Variants in TEX26 observed in about 807,000 individuals in gnomAD.
TEX26 encodes the protein testis-expressed protein 26.
Under a neutral mutation model 35.3 loss-of-function variants are expected in TEX26, and 34 were observed. That is an observed-to-expected ratio of 0.96 (90% CI 0.73 to 1.28). The LOEUF is 1.28. TEX26 is among the 50% of genes most tolerant of loss of function. TEX26 has a pLI of 0.00. For missense variants in TEX26, 371 were observed against 330.1 expected (o/e 1.12, Z -0.96); for synonymous variants, 136 against 111.8 (o/e 1.22, Z -1.36).
chr13:30,960,918 C>A (rs145821833), intron 4 of TEX26, among the ~76,000 whole-genome samples: 1 of 152,144 alleles, frequency 6.6e-6, no homozygotes, highest in Non-Finnish European at 1.5e-5. Flanking sequence ...AACTCCAAGG[C>A]TCAAAAACCT....
chr13:30,971,999 A>C (rs12874919), intron 6 of TEX26, among the ~76,000 whole-genome samples: 37,798 of 152,214 alleles, frequency 0.25, 5,649 homozygotes, highest in Non-Finnish European at 0.32. Flanking sequence ...AGAAATGCTC[A>C]GTTGATACAA....
At chr13:30,974,131 A>AAAAAATATATATATATATATATATATAT in intron 6 of TEX26, among the ~76,000 whole-genome samples, 19 of 84,398 alleles carry the variant, frequency 2.3e-4, no homozygotes, top group Non-Finnish European at 3.6e-4. Context: ...AAAAAAAAAA[A>AAAAAATATATATATATATATATATATAT]ATATATATAT....
At chr13:30,951,045 A>C (rs1329789637) in intron 2 of TEX26, among the ~76,000 whole-genome samples, 2 of 152,106 alleles carry the variant, frequency 1.3e-5, no homozygotes, top group African/African-American at 4.8e-5. Context: ...TTTTGTGACT[A>C]AGTGTGGTGG....
chr13:30,971,057 C>T (rs1187283244), intron 6 of TEX26, among the ~76,000 whole-genome samples: 1 of 152,186 alleles, frequency 6.6e-6, no homozygotes, highest in Non-Finnish European at 1.5e-5. Flanking sequence ...TTTGGGGCTG[C>T]CTTGGGCTGA....
At chr13:30,964,627 G>T (rs1032365715) in intron 4 of TEX26, among the ~76,000 whole-genome samples, 3 of 152,174 alleles carry the variant, frequency 2.0e-5, no homozygotes, top group Non-Finnish European at 2.9e-5. Flanking sequence ...GTTTTGTACA[G>T]CTTTGACAAA....
chr13:30,936,875 A>G (rs1254583515), intron 1 of TEX26: 2 of 985,490 alleles, frequency 2.0e-6, no homozygotes, highest in Middle Eastern at 5.2e-4. Context: ...ACAGATTTTC[A>G]GAATATTGTG....
At chr13:30,959,800 G>A (rs895021867) in intron 4 of TEX26, among the ~76,000 whole-genome samples, 1 of 152,154 alleles carries the variant, frequency 6.6e-6, no homozygotes, top group Non-Finnish European at 1.5e-5. Context: ...TTTCTAGATT[G>A]AAAGGGCCCC....
At chr13:30,945,809 G>A (rs890303770) in intron 2 of TEX26, among the ~76,000 whole-genome samples, 4 of 152,046 alleles carry the variant, frequency 2.6e-5, no homozygotes, top group Admixed American at 2.6e-4. Flanking sequence ...AAAGTCTGCT[G>A]TTAGTCTGAT....
At chr13:30,944,420 A>G (rs1555267756) in intron 2 of TEX26, among the ~76,000 whole-genome samples, 1 of 149,554 alleles carries the variant, frequency 6.7e-6, no homozygotes, top group Non-Finnish European at 1.5e-5. Context: ...TGTTTCATTG[A>G]TTTTTTTTTG....
intron 2 of TEX26, among the ~76,000 whole-genome samples, chr13:30,945,311 C>T (rs1953664709): frequency 6.6e-6 from 1 of 151,722 alleles, no homozygotes. Flanking sequence ...TCTTTTTCCA[C>T]CCTTTTTCCT....
At chr13:30,935,897 G>A (rs1024260621) in intron 1 of TEX26, among the ~76,000 whole-genome samples, 1 of 152,236 alleles carries the variant, frequency 6.6e-6, no homozygotes, top group Non-Finnish European at 1.5e-5. Flanking sequence ...ACACCCCAGA[G>A]ATCCTGTAAT....
chr13:30,944,700 C>T (rs1471662515), intron 2 of TEX26, among the ~76,000 whole-genome samples: 2 of 151,834 alleles, frequency 1.3e-5, no homozygotes, highest in East Asian at 3.8e-4. Context: ...CACTGTTAAC[C>T]CAAAAATCAT....
At chr13:30,974,165 T>G (rs1484998480) in intron 6 of TEX26, among the ~76,000 whole-genome samples, 2 of 121,802 alleles carry the variant, frequency 1.6e-5, no homozygotes, top group Non-Finnish European at 3.4e-5. Flanking sequence ...TAATTAGGAG[T>G]AAGGAATCAT....
intron 4 of TEX26, 121 bp downstream of exon 4, chr13:30,957,150 G>A (rs1167762380): frequency 5.9e-6 from 6 of 1,008,514 alleles, no homozygotes; most frequent in Non-Finnish European, 8.6e-6. Context: ...ATGGAGACAG[G>A]CGACTTTGCA....
intron 2 of TEX26, among the ~76,000 whole-genome samples, chr13:30,944,439 T>A (rs1424660487): frequency 1.3e-5 from 2 of 151,950 alleles, no homozygotes; most frequent in Non-Finnish European, 2.9e-5. Context: ...TGCTGTTTAA[T>A]TTCATTTTGT....
intron 3 of TEX26, among the ~76,000 whole-genome samples, chr13:30,953,891 T>C (rs1447758260): frequency 6.6e-6 from 1 of 152,158 alleles, no homozygotes; most frequent in African/African-American, 2.4e-5. Flanking sequence ...ATTCAATAGA[T>C]GATAAAGTGG....
intron 2 of TEX26, among the ~76,000 whole-genome samples, chr13:30,946,015 GA>G (rs1278190820): frequency 6.6e-6 from 1 of 151,888 alleles, no homozygotes; most frequent in Non-Finnish European, 1.5e-5. Context: ...GCAAGCTCAG[GA>G]AAGTTTTCCT....
intron 2 of TEX26, among the ~76,000 whole-genome samples, chr13:30,948,976 A>G (rs568736693): frequency 0.019 from 2,887 of 152,262 alleles, 109 homozygotes; most frequent in African/African-American, 0.067. Flanking sequence ...CAGTTTTCCC[A>G]GCACCATTTA....
intron 1 of TEX26, among the ~76,000 whole-genome samples, chr13:30,935,529 A>C (rs1353314861): frequency 6.6e-6 from 1 of 152,254 alleles, no homozygotes; most frequent in Non-Finnish European, 1.5e-5. Context: ...CCCGCTGTAG[A>C]GGAGTATGCT....
Sources: gnomAD v4.1 joint callset for allele counts (sites outside exome capture counted in the v4.1 genomes callset) on GRCh38, gnomAD v4.1.1 for gene constraint, MANE v1.5 for transcripts, NCBI Gene and HGNC (gene_info 2026-07-23, HGNC 2026-07-21) for gene names.